Variants in CTNND1 observed in about 807,000 individuals in gnomAD.
The protein encoded by CTNND1 is catenin delta-1.
CTNND1 carries 16 observed loss-of-function variants against 112.1 expected under a neutral mutation model. The ratio of observed to expected loss-of-function variants is 0.14; its 90% CI spans 0.10 to 0.22. The LOEUF (loss-of-function observed/expected upper bound fraction) is 0.22. Among genes scored for constraint, CTNND1 ranks in the 10% least tolerant of loss-of-function variants. The pLI, the probability that CTNND1 is intolerant of heterozygous loss-of-function variation, is 1.00. For synonymous variants in CTNND1, 420 were observed against 446.5 expected, an observed-to-expected ratio of 0.94 and a Z score of 0.75; for missense variants, 1,008 against 1,257.0, an observed-to-expected ratio of 0.80 and a Z score of 3.00.
intron 1 of CTNND1, among the ~76,000 whole-genome samples, chr11:57,771,172 T>C (rs1207708945): frequency 1.3e-5 from 2 of 152,144 alleles, no homozygotes; most frequent in Non-Finnish European, 2.9e-5. Flanking sequence ...TTGTATTCAT[T>C]GAAGAAGGAA....
intron 1 of CTNND1, among the ~76,000 whole-genome samples, chr11:57,767,050 CA>C (rs1386458431): frequency 2.1e-4 from 32 of 151,882 alleles, no homozygotes; most frequent in South Asian, 4.2e-4. Context: ...CAGCTCACTG[CA>C]ACCTCCGCCT....
At chr11:57,764,314 C>T (rs140390995) in intron 1 of CTNND1, among the ~76,000 whole-genome samples, 63 of 152,192 alleles carry the variant, frequency 4.1e-4, no homozygotes, top group Non-Finnish European at 7.2e-4. Context: ...GTCAGAGAAG[C>T]TCCAACATGT....
At chr11:57,784,239 A>G (rs2059902553) in intron 1 of CTNND1, among the ~76,000 whole-genome samples, 1 of 151,134 alleles carries the variant, frequency 6.6e-6, no homozygotes, top group South Asian at 2.1e-4. Flanking sequence ...CTTTTGAAAA[A>G]AGCCCTTTGC....
chr11:57,783,831 A>T (rs182400303), intron 1 of CTNND1, among the ~76,000 whole-genome samples: 11 of 152,266 alleles, frequency 7.2e-5, no homozygotes, highest in Non-Finnish European at 1.2e-4. Context: ...TTCTGGCTTG[A>T]ATGTTATGTA....
At chr11:57,764,243 G>A (rs988663798) in intron 1 of CTNND1, 2 of 151,776 alleles carry the variant, frequency 1.3e-5, no homozygotes, top group African/African-American at 4.8e-5. Flanking sequence ...CGGGGCGGGG[G>A]GGCGGTTCTC....
At chr11:57,815,822 T>C (rs1435262186) in intron 19 of CTNND1, 93 bp from the exon 20 acceptor site, 1 of 1,081,180 alleles carries the variant, frequency 9.2e-7, no homozygotes, top group Non-Finnish European at 1.4e-6. Flanking sequence ...TTGTTTTGTT[T>C]GAGTTTACAA....
rs767448387 is a variant in CTNND1, at chr11:57,795,713, G to A, written c.404G>A (p.Arg135Gln). 23 of 1,598,086 alleles carry A rather than the reference G, an allele frequency of 1.4e-5. No homozygotes were observed. The highest frequency in any genetic ancestry group is 1.7e-4 in the Middle Eastern group (1 of 5,972). The change falls in exon 5 of 21, where the codon CGG becomes CAG. Residue 135 changes from arginine (R) to glutamine (Q), a missense_variant. This residue lies in a region of CTNND1 where 404 missense variants were observed against 457.9 expected (regional missense o/e 0.88). Transcript: ENST00000399050. ...GAGACCTCAGATGATGGGACCACTC[G>A]GCGCACAGAGACCACGGTAAACTAA... ...SVETSDDGTTRRTETTVKKVV... is the reference protein window; with the variant it reads ...SVETSDDGTTQRTETTVKKVV...
chr11:57,807,605 C>CAAAAAAAAAAAAAAAAAA (rs71470294), intron 12 of CTNND1, among the ~76,000 whole-genome samples: 1 of 29,226 alleles, frequency 3.4e-5, no homozygotes, highest in Non-Finnish European at 6.0e-5. Flanking sequence ...AACTCCGTCT[C>CAAAAAAAAAAAAAAAAAA]AAAAAAAAAA....
intron 1 of CTNND1, among the ~76,000 whole-genome samples, chr11:57,768,916 C>T (rs1951822568): frequency 6.6e-6 from 1 of 152,068 alleles, no homozygotes; most frequent in Non-Finnish European, 1.5e-5. Flanking sequence ...CTTTTCCTCC[C>T]TTTTCTTCAT....
chr11:57,792,046 T>C (rs1035172719), intron 3 of CTNND1, among the ~76,000 whole-genome samples: 1 of 152,198 alleles, frequency 6.6e-6, no homozygotes, highest in African/African-American at 2.4e-5. Context: ...CACTTAATGG[T>C]TGGGCATCTT....
At chr11:57,801,508 A>G (rs1164955826) in intron 6 of CTNND1, among the ~76,000 whole-genome samples, 1 of 152,210 alleles carries the variant, frequency 6.6e-6, no homozygotes, top group Non-Finnish European at 1.5e-5. Context: ...TCAAAGAAAA[A>G]AATGTAGTTT....
intron 2 of CTNND1, among the ~76,000 whole-genome samples, chr11:57,790,160 C>T (rs543972513): frequency 2.2e-4 from 33 of 152,226 alleles, no homozygotes; most frequent in Non-Finnish European, 4.1e-4. Context: ...CGGCTCACTA[C>T]ACTCTCCGTC....
chr11:57,790,102 G>A (rs559156905), intron 2 of CTNND1, among the ~76,000 whole-genome samples: 66 of 152,228 alleles, frequency 4.3e-4, no homozygotes, highest in Non-Finnish European at 8.4e-4. Flanking sequence ...TATTTTTGGA[G>A]GCAGAGTCTC....
intron 1 of CTNND1, among the ~76,000 whole-genome samples, chr11:57,785,888 G>A (rs1322209988): frequency 6.6e-6 from 1 of 151,812 alleles, no homozygotes; most frequent in Non-Finnish European, 1.5e-5. Flanking sequence ...TATCTGGTTA[G>A]CACTGTCTAG....
At position 57,769,113 on chromosome 11, in the gene CTNND1, C is replaced by T. The variant is rs561178797; in HGVS notation, c.-214+6994C>T. 2.0e-3 allele frequency among the ~76,000 whole-genome samples: 306 copies of T among 151,518 alleles called. 1 individual carries two copies. Among genetic ancestry groups the T allele is most frequent in the African/African-American group, 6.9e-3 (286 of 41,272 alleles). ...CTTGAGGTCAGGAGTTTGAGACCAG[C>T]CTGGCCAACATGGTGAAAACCTGTC... On this transcript the variant is annotated intron_variant, in intron 1 of 20. Coordinates refer to ENST00000399050, the MANE Select transcript of CTNND1 (RefSeq NM_001085458.2).
chr11:57,780,491 A>G (rs185507232), intron 1 of CTNND1, among the ~76,000 whole-genome samples: 1 of 152,308 alleles, frequency 6.6e-6, no homozygotes, highest in East Asian at 1.9e-4. Flanking sequence ...AAGATACTAA[A>G]TACTTCTGGT....
At chr11:57,784,155 C>G (rs1367791418) in intron 1 of CTNND1, among the ~76,000 whole-genome samples, 1 of 151,716 alleles carries the variant, frequency 6.6e-6, no homozygotes, top group Non-Finnish European at 1.5e-5. Context: ...CTCCTGGGCT[C>G]AAGTGATCTG....
chr11:57,781,879 C>G (rs542063136), intron 1 of CTNND1, among the ~76,000 whole-genome samples: 1 of 152,248 alleles, frequency 6.6e-6, no homozygotes, highest in African/African-American at 2.4e-5. Flanking sequence ...CTGAGAGCCA[C>G]ACCCTTCCTT....
chr11:57,766,218 G>C (rs1338852065), intron 1 of CTNND1, among the ~76,000 whole-genome samples: 1 of 152,172 alleles, frequency 6.6e-6, no homozygotes. Context: ...AGTATATTAA[G>C]ACATCAGCAG....
Sources: allele counts gnomAD v4.1 joint callset (sites outside exome capture counted in the v4.1 genomes callset), GRCh38; gene constraint gnomAD v4.1.1; regional missense constraint gnomAD v4.1.1; transcripts MANE v1.5; gene names NCBI Gene and HGNC (gene_info 2026-07-23, HGNC 2026-07-21).